CDCA7L: variants seen among roughly 807,000 people sequenced by gnomAD.
CDCA7L encodes cell division cycle associated 7 like.
CDCA7L carries 44 observed loss-of-function variants against 57.4 expected under a neutral mutation model. That is an observed-to-expected ratio of 0.77 (90% CI 0.60 to 0.98). CDCA7L has a LOEUF of 0.98. CDCA7L is among the 50% of genes least tolerant of loss of function. The probability of loss-of-function intolerance (pLI) is 0.00; values close to 1 mark genes in which losing one functional copy is unlikely to be tolerated. For synonymous variants in CDCA7L, 236 were observed against 202.8 expected, an observed-to-expected ratio of 1.16 and a Z score of -1.39; for missense variants, 644 against 580.6, an observed-to-expected ratio of 1.11 and a Z score of -1.12.
In CDCA7L at chr7:21,901,151, C is replaced by A. The variant is rs753935900; in HGVS notation, c.*1171G>T. Reference sequence around the variant, plus strand: ...ACCTACGAGTGCCCTGTGTATAGAACCAAACTGAGAGGCCCCAGCTACATC... The same window carrying A: ...ACCTACGAGTGCCCTGTGTATAGAAACAAACTGAGAGGCCCCAGCTACATC... On this transcript the variant is annotated 3_prime_UTR_variant, in exon 10 of 10. Coordinates refer to ENST00000406877, the MANE Select transcript of CDCA7L (RefSeq NM_018719.5). The A allele has an allele frequency of 6.2e-7, 1 of 1,612,988 alleles. No homozygotes were observed. The highest frequency in any genetic ancestry group is 8.5e-7 in the Non-Finnish European group (1 of 1,179,164).
intron 2 of CDCA7L, among the ~76,000 whole-genome samples, chr7:21,912,844 G>A (rs1424294410): frequency 4.6e-5 from 7 of 152,246 alleles, no homozygotes; most frequent in African/African-American, 1.7e-4. Context: ...TTTAAGAAAA[G>A]GCATTTTCTA....
At chr7:21,904,024 T>C (rs1447212120) in intron 8 of CDCA7L, 86 bp downstream of exon 8, 1 of 1,327,422 alleles carries the variant, frequency 7.5e-7, no homozygotes, top group Non-Finnish European at 1.0e-6. Flanking sequence ...AGCTCCCTAG[T>C]TCCCAGTGAG....
Position 21,902,350 on chromosome 7 carries a change from A to G in CDCA7L, c.1337T>C (p.Leu446Ser). ...ATTGTCTTCTACCAGCTCCTTTTGTAAGCTGGGAAAAAGATGAGAAGTATT... is the reference window on the plus strand; with the variant it reads ...ATTGTCTTCTACCAGCTCCTTTTGTGAGCTGGGAAAAAGATGAGAAGTATT... The part of the protein sequence containing the change: ...YDNVKEYLES[L>S]QKELVEDN The change falls in exon 10 of 10, where the codon TTA becomes TCA. Residue 446 changes from leucine (L) to serine (S), a missense_variant and splice_region_variant. Transcript: ENST00000406877. The G allele has an allele frequency of 6.2e-7, 1 of 1,613,758 alleles. No individual in the cohort carries two copies. The highest frequency in any genetic ancestry group is 8.5e-7 in the Non-Finnish European group (1 of 1,179,724).
rs184982567 is a variant in CDCA7L, at chr7:21,941,147, A to G, written c.24+4634T>C. Among the ~76,000 whole-genome samples the G allele has an allele frequency of 4.6e-3, 696 of 152,216 alleles. 4 individuals are homozygous for G. The highest frequency in any genetic ancestry group is 6.5e-3 in the Non-Finnish European group (440 of 68,014). The stretch of plus-strand genomic sequence containing the variant: ...TAAAGAGTTATTAAAAATAGTGCAG[A>G]CTCCAACACAAGCCGTAAGATATAC... On this transcript the variant is annotated intron_variant, in intron 1 of 9. Coordinates refer to ENST00000406877, the MANE Select transcript of CDCA7L (RefSeq NM_018719.5).
chr7:21,909,164 C>G (rs1233337588), intron 3 of CDCA7L, among the ~76,000 whole-genome samples: 1 of 152,186 alleles, frequency 6.6e-6, no homozygotes, highest in African/African-American at 2.4e-5. Flanking sequence ...TTTCAAATTC[C>G]ACATGGCAGA....
intron 5 of CDCA7L, 37 bp downstream of exon 5, chr7:21,906,531 T>TA: frequency 6.2e-7 from 1 of 1,612,570 alleles, no homozygotes. Flanking sequence ...GATCACCATA[T>TA]ATCAGTATTG....
At chr7:21,913,202 G>A (rs1163413953) in intron 2 of CDCA7L, among the ~76,000 whole-genome samples, 1 of 152,156 alleles carries the variant, frequency 6.6e-6, no homozygotes. Flanking sequence ...GGGGCACACA[G>A]AAAGAAATGC....
intron 1 of CDCA7L, among the ~76,000 whole-genome samples, chr7:21,917,538 T>G (rs76531950): frequency 6.6e-6 from 1 of 152,186 alleles, no homozygotes; most frequent in African/African-American, 2.4e-5. Context: ...AGTTGACTAT[T>G]TTCTCCCAAT....
chr7:21,916,615 C>G (rs993744447), intron 2 of CDCA7L, 139 bp downstream of exon 2: 1 of 746,824 alleles, frequency 1.3e-6, no homozygotes, highest in South Asian at 2.2e-5. Flanking sequence ...CAGGAAGACA[C>G]AGACATAATG....
rs561100986 is a variant in CDCA7L at position 21,919,214 on chromosome 7, TCA to T, written c.25-2322_25-2321del. Among the ~76,000 whole-genome samples the T allele has an allele frequency of 7.8e-4, 119 of 152,288 alleles. 1 individual carries two copies. Among genetic ancestry groups the T allele is most frequent in the Admixed American group, 1.2e-3 (19 of 15,298 alleles). On this transcript the variant is annotated intron_variant, in intron 1 of 9. Coordinates refer to ENST00000406877, the MANE Select transcript of CDCA7L (RefSeq NM_018719.5). ...ATTCTTGTATAATATAGTCTTTCTC[TCA>T]CTCTCCCCCTTTTCTTCTACCATGT...
chr7:21,904,761 GA>G (rs1344282462), intron 7 of CDCA7L, among the ~76,000 whole-genome samples: 1 of 152,180 alleles, frequency 6.6e-6, no homozygotes, highest in Non-Finnish European at 1.5e-5. Context: ...CACTGCTCTA[GA>G]ATGTAACCAT....
intron 1 of CDCA7L, among the ~76,000 whole-genome samples, chr7:21,932,560 C>T (rs904997822): frequency 1.3e-5 from 2 of 152,138 alleles, no homozygotes; most frequent in African/African-American, 4.8e-5. Context: ...GAAAGGATTC[C>T]CTATTTAATA....
At chr7:21,930,504 G>A (rs957610762) in intron 1 of CDCA7L, among the ~76,000 whole-genome samples, 2 of 151,932 alleles carry the variant, frequency 1.3e-5, no homozygotes, top group Admixed American at 6.6e-5. Context: ...AGACCAGCCT[G>A]GCCAAGATAG....
At chr7:21,918,420 C>T (rs758104880) in intron 1 of CDCA7L, among the ~76,000 whole-genome samples, 1 of 152,184 alleles carries the variant, frequency 6.6e-6, no homozygotes, top group Non-Finnish European at 1.5e-5. Flanking sequence ...CACAGTTCTT[C>T]TGCCTCATTT....
intron 1 of CDCA7L, among the ~76,000 whole-genome samples, chr7:21,927,165 T>C (rs917959132): frequency 2.0e-5 from 3 of 152,136 alleles, no homozygotes; most frequent in South Asian, 2.1e-4. Context: ...GCAAAATTAA[T>C]TGACAGAAAC....
chr7:21,902,565 C>G, intron 9 of CDCA7L: 2 of 578,926 alleles, frequency 3.5e-6, no homozygotes, highest in Non-Finnish European at 3.1e-6. Flanking sequence ...TCCAGAACCA[C>G]GATTCAGAGT....
chr7:21,903,916 T>G, intron 8 of CDCA7L, 194 bp downstream of exon 8: 1 of 465,278 alleles, frequency 2.1e-6, no homozygotes, highest in South Asian at 6.4e-5. Flanking sequence ...AATTCTTCTA[T>G]TCACTGGTCA....
rs746842106 is a variant in CDCA7L at position 21,904,060 on chromosome 7, T to G, written c.1197+50A>C. On this transcript the variant is annotated intron_variant, in intron 8 of 9. Coordinates refer to ENST00000406877, the MANE Select transcript of CDCA7L (RefSeq NM_018719.5). ...AACCCAGGAGGCCCATCTTTATAGC[T>G]TGCTTCCTTCACCAATACAATTTAC... 3.3e-6 allele frequency: 5 copies of G among 1,499,508 alleles called. No individual in the cohort carries two copies. The East Asian group carries it at 1.2e-4, about 36-fold the overall frequency. The allele number at this position is 1,499,508 out of a possible 1,614,324, so 92.9% of individuals were successfully genotyped here.
In CDCA7L at chr7:21,911,754, G is replaced by T. The variant is rs1322916643; in HGVS notation, c.166C>A (p.Gln56Lys). Residue 56 changes from glutamine to lysine, a missense_variant and splice_region_variant, in exon 3 of 10, where the codon CAG becomes AAG. Coordinates refer to ENST00000406877, the MANE Select transcript of CDCA7L (RefSeq NM_018719.5). ...SFDSLESGKQ[Q>K]DVRFHSKYFT... ...TATTTGGAATGAAAGCGCACATCCTGCTAAATTAAAGACACACATACATCA... is the reference window on the plus strand; with the variant it reads ...TATTTGGAATGAAAGCGCACATCCTTCTAAATTAAAGACACACATACATCA... 29 of 1,610,802 alleles carry T rather than the reference G, an allele frequency of 1.8e-5. No individual in the cohort carries two copies. The highest frequency in any genetic ancestry group is 2.4e-5 in the Non-Finnish European group (28 of 1,179,110).
Sources: gnomAD v4.1 joint callset for allele counts (sites outside exome capture counted in the v4.1 genomes callset) on GRCh38, gnomAD v4.1.1 for gene constraint, MANE v1.5 for transcripts, NCBI Gene and HGNC (gene_info 2026-07-23, HGNC 2026-07-21) for gene names.